Variants in MCHR2 observed in about 807,000 individuals in gnomAD.
MCHR2 encodes the protein melanin concentrating hormone receptor 2.
In MCHR2, 15 loss-of-function variants were observed where a neutral mutation model predicts 24.8. The observed-to-expected ratio is 0.60, with a 90% CI of 0.40 to 0.93. MCHR2 has a LOEUF of 0.93. MCHR2 is among the 40% of genes least tolerant of loss of function. The pLI is 0.00. For synonymous variants in MCHR2, 151 were observed against 147.6 expected, an observed-to-expected ratio of 1.02 and a Z score of -0.17; for missense variants, 386 against 408.7, an observed-to-expected ratio of 0.94 and a Z score of 0.48.
intron 1 of MCHR2, among the ~76,000 whole-genome samples, chr6:99,991,104 AGTTTGGG>A (rs1775864135): frequency 1.3e-5 from 2 of 151,946 alleles, no homozygotes; most frequent in Admixed American, 1.3e-4. Flanking sequence ...AGCATCGAAC[AGTTTGGG>A]GTCAGAGGAG....
intron 1 of MCHR2, among the ~76,000 whole-genome samples, chr6:99,969,421 C>T (rs1489117215): frequency 7.3e-6 from 1 of 136,910 alleles, no homozygotes; most frequent in Non-Finnish European, 1.5e-5. Context: ...TTGCAGTGAG[C>T]CAAGATCATG....
At chr6:99,992,953 G>C (rs566076414) in intron 1 of MCHR2, among the ~76,000 whole-genome samples, 1 of 151,852 alleles carries the variant, frequency 6.6e-6, no homozygotes, top group Non-Finnish European at 1.5e-5. Context: ...TAACAAACAG[G>C]TTATTATTTA....
At chr6:99,933,503 C>T (rs1388285213) in intron 5 of MCHR2, among the ~76,000 whole-genome samples, 2 of 152,030 alleles carry the variant, frequency 1.3e-5, no homozygotes, top group African/African-American at 2.4e-5. Flanking sequence ...CCACACTTTA[C>T]TAGTGCAAGA....
chr6:99,974,473 C>T (rs1775505380), intron 1 of MCHR2, among the ~76,000 whole-genome samples: 1 of 152,118 alleles, frequency 6.6e-6, no homozygotes, highest in Admixed American at 6.5e-5. Flanking sequence ...ATTTTTTTCT[C>T]ACAGTTTTTA....
In MCHR2 at chr6:99,979,414, C is replaced by A. The variant is rs114120234; in HGVS notation, c.-28+14522G>T. On this transcript the variant is annotated intron_variant, in intron 1 of 5. Coordinates refer to ENST00000281806, the MANE Select transcript of MCHR2 (RefSeq NM_001040179.2). ...TGAACTTCCCTACAACCCCAGTAGC[C>A]ACTAGCCACATGTGGCTACTGAGCA... Among the ~76,000 whole-genome samples, 416 of 152,246 alleles carry A rather than the reference C, an allele frequency of 2.7e-3. 2 individuals carry two copies. Among genetic ancestry groups the A allele is most frequent in the African/African-American group, 9.6e-3 (400 of 41,550 alleles).
intron 4 of MCHR2, among the ~76,000 whole-genome samples, chr6:99,939,870 GTGT>G (rs1187633467): frequency 9.6e-5 from 4 of 41,642 alleles, no homozygotes; most frequent in East Asian, 7.5e-4. Flanking sequence ...TGGATGGCAG[GTGT>G]TTTTTTTTTT....
At chr6:99,968,029 G>C (rs1488905238) in intron 1 of MCHR2, among the ~76,000 whole-genome samples, 3 of 152,166 alleles carry the variant, frequency 2.0e-5, no homozygotes, top group African/African-American at 7.2e-5. Context: ...TACTGAGGTT[G>C]TGATGATTAA....
chr6:99,974,720 A>T (rs1213446696), intron 1 of MCHR2, among the ~76,000 whole-genome samples: 1 of 152,088 alleles, frequency 6.6e-6, no homozygotes, highest in African/African-American at 2.4e-5. Flanking sequence ...GATGATGGTG[A>T]CATACAGAAG....
chr6:99,949,006 A>T (rs1774923016), intron 2 of MCHR2, among the ~76,000 whole-genome samples: 1 of 152,130 alleles, frequency 6.6e-6, no homozygotes, highest in Non-Finnish European at 1.5e-5. Context: ...ATTCAATGCT[A>T]TCTAGAAGTG....
At chr6:99,962,526 G>C (rs537376718) in intron 1 of MCHR2, among the ~76,000 whole-genome samples, 1 of 151,980 alleles carries the variant, frequency 6.6e-6, no homozygotes, top group East Asian at 1.9e-4. Context: ...AAATGATGTC[G>C]AAAAATCTGG....
At chr6:99,993,808 G>A (rs1775934472) in intron 1 of MCHR2, 128 bp downstream of exon 1, 1 of 152,194 alleles carries the variant, frequency 6.6e-6, no homozygotes, top group Non-Finnish European at 1.5e-5. Context: ...GACACTACCG[G>A]CGAGCCAGCC....
chr6:99,971,217 T>C (rs1351081720), intron 1 of MCHR2, among the ~76,000 whole-genome samples: 1 of 152,190 alleles, frequency 6.6e-6, no homozygotes, highest in African/African-American at 2.4e-5. Context: ...TTCCATTTCT[T>C]TGCATCCTCT....
Position 99,921,107 on chromosome 6 carries a change from C to A in MCHR2, c.856G>T (p.Val286Leu), listed in dbSNP as rs1362241895. The A allele has an allele frequency of 1.2e-6, 2 of 1,614,160 alleles. No homozygotes were observed. Among genetic ancestry groups the A allele is most frequent in the Admixed American group, 3.3e-5 (2 of 60,018 alleles). The change falls in exon 6 of 6, where the codon GTG becomes TTG. Residue 286 changes from valine (V) to leucine (L), a missense_variant. Coordinates refer to ENST00000281806, the MANE Select transcript of MCHR2 (RefSeq NM_001040179.2). ...QMEQPTLAFY[V>L]GYYLSICLSY... ...AGACAGATGGAGAGGTAATAACCCA[C>A]ATAGAAGGCCAGTGTGGGCTGTTCC...
intron 5 of MCHR2, among the ~76,000 whole-genome samples, chr6:99,927,774 A>C (rs967933247): frequency 3.6e-4 from 55 of 152,148 alleles, no homozygotes; most frequent in Non-Finnish European, 2.8e-4. Context: ...CAATCATGTC[A>C]TCTGCAAACA....
rs1430734192 is a variant in MCHR2, at chr6:99,934,418, T to C, written c.687A>G (p.Gln229=). The C allele has an allele frequency of 6.3e-7, 1 of 1,596,184 alleles. No homozygotes were observed. The highest frequency in any genetic ancestry group is 8.5e-7 in the Non-Finnish European group (1 of 1,174,234). The change falls in exon 5 of 6, where the codon CAA becomes CAG. Residue 229 remains glutamine (Q), a synonymous_variant. Transcript: ENST00000281806. ...CTTACCATCTGGCATCCTTATTCTGTTGATACATCTCCCAAGTATAGCATA... is the reference window on the plus strand; with the variant it reads ...CTTACCATCTGGCATCCTTATTCTGCTGATACATCTCCCAAGTATAGCATA... ...LILCYTWEMY[Q]QNKDARCCNP... is the part of the protein sequence containing the mutation.
chr6:99,971,733 C>T (rs1209347815), intron 1 of MCHR2, among the ~76,000 whole-genome samples: 1 of 152,142 alleles, frequency 6.6e-6, no homozygotes, highest in Non-Finnish European at 1.5e-5. Flanking sequence ...GAGATACGTC[C>T]CACCAATACC....
chr6:99,971,772 T>C (rs1310764359), intron 1 of MCHR2, among the ~76,000 whole-genome samples: 6 of 152,012 alleles, frequency 3.9e-5, no homozygotes, highest in Non-Finnish European at 7.4e-5. Context: ...TAGCATGAAG[T>C]GTTGTTGAAT....
At chr6:99,966,088 A>T (rs1002830978) in intron 1 of MCHR2, among the ~76,000 whole-genome samples, 2 of 152,116 alleles carry the variant, frequency 1.3e-5, no homozygotes, top group African/African-American at 4.8e-5. Context: ...TCTCTATACA[A>T]CTTGCTTTAT....
At chr6:99,980,992 T>C (rs1302061352) in intron 1 of MCHR2, among the ~76,000 whole-genome samples, 1 of 152,210 alleles carries the variant, frequency 6.6e-6, no homozygotes, top group African/African-American at 2.4e-5. Flanking sequence ...GTTGCAAATT[T>C]AACAAAGGAA....
Sources: gnomAD v4.1 joint callset for allele counts (sites outside exome capture counted in the v4.1 genomes callset) on GRCh38, gnomAD v4.1.1 for gene constraint, MANE v1.5 for transcripts, NCBI Gene and HGNC (gene_info 2026-07-23, HGNC 2026-07-21) for gene names.